The following FAM227B variants were observed in gnomAD, a reference collection of about 807,000 sequenced individuals.
FAM227B encodes protein FAM227B.
In FAM227B, 88 loss-of-function variants were observed where a neutral mutation model predicts 73.8. The ratio of observed to expected loss-of-function variants is 1.19; its 90% CI spans 1.00 to 1.42. The LOEUF is 1.42. FAM227B is among the 40% of genes most tolerant of loss of function. The pLI is 0.00. For synonymous variants in FAM227B, 210 were observed against 190.5 expected (o/e 1.10, Z -0.84); for missense variants, 632 against 590.9 (o/e 1.07, Z -0.72).
chr15:49,555,688 T>C (rs1429961072), intron 9 of FAM227B, among the ~76,000 whole-genome samples: 1 of 152,254 alleles, frequency 6.6e-6, no homozygotes, highest in Non-Finnish European at 1.5e-5. Flanking sequence ...CAATGAGTCA[T>C]AGATTTGGTC....
intron 11 of FAM227B, among the ~76,000 whole-genome samples, chr15:49,452,000 A>G (rs1322560281): frequency 6.6e-6 from 1 of 152,054 alleles, no homozygotes; most frequent in Non-Finnish European, 1.5e-5. Flanking sequence ...ATGATATCTT[A>G]TATCACTACT....
At chr15:49,340,962 A>G (rs2040634151) in intron 13 of FAM227B, among the ~76,000 whole-genome samples, 1 of 152,346 alleles carries the variant, frequency 6.6e-6, no homozygotes, top group East Asian at 1.9e-4. Context: ...GAAAGGGTCC[A>G]GTTCCAATCT....
intron 11 of FAM227B, chr15:49,487,787 A>G (rs1239299141): frequency 6.6e-6 from 1 of 151,990 alleles, no homozygotes; most frequent in Non-Finnish European, 1.5e-5. Flanking sequence ...ATCTTACTCC[A>G]TAATATATTT....
rs147424812 is a variant in FAM227B at position 49,477,412 on chromosome 15, A to G, written c.1012+30799T>C. 2.4e-3 allele frequency among the ~76,000 whole-genome samples: 372 copies of G among 152,306 alleles called. 2 individuals carry two copies. Among genetic ancestry groups the G allele is most frequent in the African/African-American group, 8.6e-3 (358 of 41,572 alleles). On this transcript the variant is annotated intron_variant, in intron 11 of 15. Coordinates refer to ENST00000299338, the MANE Select transcript of FAM227B (RefSeq NM_152647.3). The stretch of plus-strand genomic sequence containing the variant: ...AAAGTTTTGCCTTTGCCAGAATGTC[A>G]TATGGCTGGAATCATACAGTATGTG...
chr15:49,438,850 T>G (rs2051347946), intron 11 of FAM227B, among the ~76,000 whole-genome samples: 2 of 148,886 alleles, frequency 1.3e-5, no homozygotes, highest in African/African-American at 2.5e-5. Flanking sequence ...AGAGAGTGGG[T>G]GGTAAGGTGA....
chr15:49,498,888 C>T (rs950540953), intron 11 of FAM227B, among the ~76,000 whole-genome samples: 18 of 152,010 alleles, frequency 1.2e-4, no homozygotes, highest in South Asian at 6.2e-4. Flanking sequence ...CATTACAGGC[C>T]GGGCGCGGTG....
At chr15:49,594,785 G>T (rs1259520155) in intron 3 of FAM227B, among the ~76,000 whole-genome samples, 1 of 152,070 alleles carries the variant, frequency 6.6e-6, no homozygotes, top group Non-Finnish European at 1.5e-5. Context: ...TGGCTTATAT[G>T]CCTGTTTTTA....
At chr15:49,605,220 A>C (rs1388198716) in intron 3 of FAM227B, among the ~76,000 whole-genome samples, 2 of 152,094 alleles carry the variant, frequency 1.3e-5, no homozygotes, top group Non-Finnish European at 2.9e-5. Context: ...GGTGGGGTCC[A>C]TGGACTTCCT....
chr15:49,547,477 A>G (rs1229334815), intron 9 of FAM227B, among the ~76,000 whole-genome samples: 1 of 152,226 alleles, frequency 6.6e-6, no homozygotes, highest in Non-Finnish European at 1.5e-5. Context: ...TAAAAAACAC[A>G]GACTGGCAAA....
chr15:49,452,134 T>C (rs774919934), intron 11 of FAM227B, among the ~76,000 whole-genome samples: 7 of 152,034 alleles, frequency 4.6e-5, no homozygotes, highest in Non-Finnish European at 7.4e-5. Context: ...CTCTGCCTTC[T>C]AGGTTCAAGC....
chr15:49,446,275 C>T (rs975436027), intron 11 of FAM227B, among the ~76,000 whole-genome samples: 1 of 151,416 alleles, frequency 6.6e-6, no homozygotes, highest in African/African-American at 2.4e-5. Context: ...GCAATTAGAT[C>T]TAGTTCATTA....
intron 10 of FAM227B, among the ~76,000 whole-genome samples, chr15:49,516,848 G>T (rs1435454223): frequency 6.6e-6 from 1 of 152,036 alleles, no homozygotes; most frequent in Non-Finnish European, 1.5e-5. Context: ...ATATTGTTCA[G>T]GCAGGCTCAT....
chr15:49,523,107 C>A (rs1178666329), intron 10 of FAM227B, among the ~76,000 whole-genome samples: 2 of 152,162 alleles, frequency 1.3e-5, no homozygotes, highest in African/African-American at 4.8e-5. Flanking sequence ...TAAAGAAAAT[C>A]TCATCAGACT....
Position 49,328,237 on chromosome 15 carries a change from T to A in FAM227B, c.*331A>T. On this transcript the variant is annotated 3_prime_UTR_variant, in exon 16 of 16. Coordinates refer to ENST00000299338, the MANE Select transcript of FAM227B (RefSeq NM_152647.3). ...GACTTTCTGTGCCACAGTAAATTAA[T>A]CTTCCTTCTGTTTTGTATTATGATG... 2.7e-6 allele frequency: 4 copies of A among 1,507,958 alleles called. No homozygotes were observed. The highest frequency in any genetic ancestry group is 3.5e-6 in the Non-Finnish European group (4 of 1,126,762). The allele number at this position is 1,507,958 out of a possible 1,614,324, so 93.4% of individuals were successfully genotyped here.
In FAM227B at chr15:49,506,810, G is replaced by A. The variant is rs147717571; in HGVS notation, c.1012+1401C>T. 4.6e-5 allele frequency among the ~76,000 whole-genome samples: 7 copies of A among 151,970 alleles called. No individual in the cohort carries two copies. In the East Asian group the frequency reaches 1.4e-3, roughly 29 times the overall value. ...TACAACACACTTAAAGCAGTGCTTA[G>A]GGAAATTTAATCTTTAATTGCTTAT... On this transcript the variant is annotated intron_variant, in intron 11 of 15. Coordinates refer to ENST00000299338, the MANE Select transcript of FAM227B (RefSeq NM_152647.3).
intron 10 of FAM227B, among the ~76,000 whole-genome samples, chr15:49,524,049 G>A (rs556177761): frequency 1.1e-3 from 175 of 152,292 alleles, no homozygotes; most frequent in Middle Eastern, 6.8e-3. Flanking sequence ...CTGATTATGC[G>A]ACAGAAACGA....
chr15:49,590,216 C>T (rs945924911), intron 3 of FAM227B, among the ~76,000 whole-genome samples: 3 of 152,124 alleles, frequency 2.0e-5, no homozygotes, highest in Non-Finnish European at 4.4e-5. Flanking sequence ...GAATAATTTG[C>T]TTATATGATA....
At chr15:49,591,108 G>C (rs1224720546) in intron 3 of FAM227B, among the ~76,000 whole-genome samples, 3 of 136,398 alleles carry the variant, frequency 2.2e-5, no homozygotes, top group East Asian at 4.7e-4. Context: ...GCAGTGGTGC[G>C]ATCTTGGCTC....
Position 49,446,887 on chromosome 15 carries a change from A to C in FAM227B, c.1012+61324T>G, listed in dbSNP as rs144772170. 1.9e-3 allele frequency among the ~76,000 whole-genome samples: 288 copies of C among 151,572 alleles called. 1 individual carries two copies. Among genetic ancestry groups the C allele is most frequent in the African/African-American group, 6.5e-3 (271 of 41,470 alleles). On this transcript the variant is annotated intron_variant, in intron 11 of 15. Coordinates refer to ENST00000299338, the MANE Select transcript of FAM227B (RefSeq NM_152647.3). The stretch of plus-strand genomic sequence containing the variant: ...GAGAAGTGAGGAAGGAGTGCTCACT[A>C]AAGAGAAGGAAAAGCAATACACAGA...
Sources: gnomAD v4.1 joint callset for allele counts (sites outside exome capture counted in the v4.1 genomes callset) on GRCh38, gnomAD v4.1.1 for gene constraint, MANE v1.5 for transcripts, NCBI Gene and HGNC (gene_info 2026-07-23, HGNC 2026-07-21) for gene names.